HS2ST1: variants seen among roughly 807,000 people sequenced by gnomAD.
HS2ST1 encodes the protein 2-O-sulfotransferase.
HS2ST1 carries 18 observed loss-of-function variants against 42.9 expected under a neutral mutation model. The observed-to-expected ratio is 0.42, with a 90% confidence interval of 0.29 to 0.62. The LOEUF (loss-of-function observed/expected upper bound fraction) is 0.62, where lower values mean the gene tolerates loss of function less well. Among genes scored for constraint, HS2ST1 ranks in the 20% least tolerant of loss-of-function variants. The pLI is 0.21. For synonymous variants in HS2ST1, 146 were observed against 152.9 expected, an observed-to-expected ratio of 0.95 and a Z score of 0.33; for missense variants, 334 against 433.8, an observed-to-expected ratio of 0.77 and a Z score of 2.04.
At chr1:87,033,512 A>C (rs1650291227) in intron 1 of HS2ST1, among the ~76,000 whole-genome samples, 1 of 152,042 alleles carries the variant, frequency 6.6e-6, no homozygotes, top group South Asian at 2.1e-4. Context: ...CTTCTATATA[A>C]ATTTTTAAAG....
chr1:86,996,034 G>A (rs1649085662), intron 1 of HS2ST1, among the ~76,000 whole-genome samples: 2 of 152,194 alleles, frequency 1.3e-5, no homozygotes, highest in South Asian at 4.2e-4. Flanking sequence ...AAACTCTTAA[G>A]CTCTAAAAAG....
At chr1:86,950,352 GTAGA>G (rs1261729915) in intron 1 of HS2ST1, among the ~76,000 whole-genome samples, 18 of 150,142 alleles carry the variant, frequency 1.2e-4, no homozygotes, top group Admixed American at 3.3e-4. Flanking sequence ...AGATACATGG[GTAGA>G]TAGATAGGTA....
chr1:87,022,718 T>C (rs1490358196), intron 1 of HS2ST1, among the ~76,000 whole-genome samples: 1 of 152,186 alleles, frequency 6.6e-6, no homozygotes, highest in Admixed American at 6.5e-5. Context: ...TTCATAGTTA[T>C]GGGAAAACAG....
intron 1 of HS2ST1, among the ~76,000 whole-genome samples, chr1:87,027,887 A>G (rs1046846255): frequency 6.6e-6 from 1 of 152,136 alleles, no homozygotes; most frequent in Non-Finnish European, 1.5e-5. Context: ...ATGGGGTTTC[A>G]CCATGTTGGC....
chr1:87,073,307 G>A (rs1570530225), intron 2 of HS2ST1, 135 bp downstream of exon 2: 4 of 663,926 alleles, frequency 6.0e-6, no homozygotes, highest in South Asian at 3.8e-5. Context: ...AGGGGAGAGG[G>A]CCAGCTAACT....
At chr1:86,960,647 T>C (rs757125327) in intron 1 of HS2ST1, among the ~76,000 whole-genome samples, 4 of 152,168 alleles carry the variant, frequency 2.6e-5, no homozygotes, top group African/African-American at 9.7e-5. Flanking sequence ...GGAGAAGATA[T>C]ACAGATGGCA....
At chr1:87,032,152 A>C (rs957915105) in intron 1 of HS2ST1, among the ~76,000 whole-genome samples, 5 of 152,182 alleles carry the variant, frequency 3.3e-5, no homozygotes, top group Admixed American at 1.3e-4. Context: ...TTAATCAGTA[A>C]ACACTGTTCT....
intron 1 of HS2ST1, among the ~76,000 whole-genome samples, chr1:86,992,362 C>CT (rs564090660): frequency 0.11 from 16,648 of 146,202 alleles, 984 homozygotes; most frequent in Non-Finnish European, 0.13. Context: ...TTTTCTCTTT[C>CT]TTTTTTTTTT....
chr1:86,915,754 G>A (rs1660139078), intron 1 of HS2ST1, among the ~76,000 whole-genome samples: 1 of 152,222 alleles, frequency 6.6e-6, no homozygotes, highest in Non-Finnish European at 1.5e-5. Context: ...TGGCCGGGTA[G>A]TGCGGGAACG....
At chr1:87,012,744 G>A (rs1195884431) in intron 1 of HS2ST1, among the ~76,000 whole-genome samples, 1 of 152,192 alleles carries the variant, frequency 6.6e-6, no homozygotes, top group Non-Finnish European at 1.5e-5. Flanking sequence ...CTATGAGCCT[G>A]AAAAATCAAA....
At chr1:86,974,639 T>C (rs1648339995) in intron 1 of HS2ST1, among the ~76,000 whole-genome samples, 1 of 152,170 alleles carries the variant, frequency 6.6e-6, no homozygotes, top group African/African-American at 2.4e-5. Context: ...ACTGAACCTT[T>C]AAGCTGTGGG....
chr1:87,063,943 C>T (rs1651182277), intron 1 of HS2ST1, among the ~76,000 whole-genome samples: 1 of 152,132 alleles, frequency 6.6e-6, no homozygotes, highest in South Asian at 2.1e-4. Flanking sequence ...CTTGCTTGGA[C>T]TCCACTGATA....
At chr1:87,042,387 C>T (rs143243717) in intron 1 of HS2ST1, among the ~76,000 whole-genome samples, 1 of 152,006 alleles carries the variant, frequency 6.6e-6, no homozygotes, top group Non-Finnish European at 1.5e-5. Flanking sequence ...GCCAACAAAT[C>T]GTTGCCAAGA....
At chr1:86,939,420 C>T (rs564539945) in intron 1 of HS2ST1, among the ~76,000 whole-genome samples, 6 of 152,168 alleles carry the variant, frequency 3.9e-5, no homozygotes, top group Non-Finnish European at 8.8e-5. Context: ...CAAAAAATTA[C>T]TGTTTGTTGT....
rs537204730 is a variant in HS2ST1 at position 86,998,511 on chromosome 1, C to T, written c.125-74423C>T. 2.6e-5 allele frequency among the ~76,000 whole-genome samples: 4 copies of T among 152,284 alleles called. No homozygotes were observed. In the South Asian group the frequency reaches 8.3e-4, roughly 32 times the overall value. On this transcript the variant is annotated intron_variant, in intron 1 of 6. Coordinates refer to ENST00000370550, the MANE Select transcript of HS2ST1 (RefSeq NM_012262.4). Reference sequence around the variant, plus strand: ...TGACATAATGTCTCTAGTTTTCTTACAGTTCACAGTGGTTTTACTACAGAA... The same window carrying T: ...TGACATAATGTCTCTAGTTTTCTTATAGTTCACAGTGGTTTTACTACAGAA...
At position 87,015,805 on chromosome 1, in the gene HS2ST1, TTTTC is replaced by T. The variant is rs371472174; in HGVS notation, c.125-57121_125-57118del. Among the ~76,000 whole-genome samples the T allele has an allele frequency of 4.3e-4, 66 of 152,178 alleles. No individual in the cohort carries two copies. In the East Asian group the frequency reaches 7.4e-3, roughly 17 times the overall value. Reference sequence around the variant, plus strand: ...AGCCAATGAAAAGCAATGTAGCTCTTTTTCTTTCTTTTTTTTTATTTTTATTTTT... The same window carrying T: ...AGCCAATGAAAAGCAATGTAGCTCTTTTTCTTTTTTTTTATTTTTATTTTT... On this transcript the variant is annotated intron_variant, in intron 1 of 6. Coordinates refer to ENST00000370550, the MANE Select transcript of HS2ST1 (RefSeq NM_012262.4).
At chr1:87,037,443 T>C (rs573134264) in intron 1 of HS2ST1, among the ~76,000 whole-genome samples, 2 of 151,936 alleles carry the variant, frequency 1.3e-5, no homozygotes, top group South Asian at 4.1e-4. Context: ...CCTTTTAATA[T>C]ATATATTTTA....
At chr1:86,974,291 C>G (rs1015764685) in intron 1 of HS2ST1, among the ~76,000 whole-genome samples, 21 of 152,104 alleles carry the variant, frequency 1.4e-4, no homozygotes, top group African/African-American at 5.1e-4. Flanking sequence ...ATTATACCTA[C>G]ATGATGAATG....
chr1:87,084,423 T>A (rs1239544239), intron 3 of HS2ST1, 144 bp downstream of exon 3: 2 of 546,744 alleles, frequency 3.7e-6, no homozygotes, highest in Non-Finnish European at 6.4e-6. Flanking sequence ...AATTTAAATA[T>A]ACCTTCTTAG....
Sources: allele counts gnomAD v4.1 joint callset (sites outside exome capture counted in the v4.1 genomes callset), GRCh38; gene constraint gnomAD v4.1.1; transcripts MANE v1.5; gene names NCBI Gene and HGNC (gene_info 2026-07-23, HGNC 2026-07-21).